The following OTOA variants were observed in gnomAD, a reference collection of about 807,000 sequenced individuals.
OTOA encodes the protein otoancorin, also known as cancer/testis antigen 108.
A neutral mutation model predicts 110.8 loss-of-function variants in OTOA; 70 were observed. That is an observed-to-expected ratio of 0.63 (90% CI 0.52 to 0.77). The LOEUF (loss-of-function observed/expected upper bound fraction) is 0.77. Among genes scored for constraint, OTOA ranks in the 30% least tolerant of loss-of-function variants. The pLI is 0.00. For missense variants in OTOA, 917 were observed against 1,075.8 expected (o/e 0.85, Z 2.06); for synonymous variants, 373 against 431.5 (o/e 0.86, Z 1.68).
At chr16:21,694,239 A>G (rs1245954404) in intron 9 of OTOA, among the ~76,000 whole-genome samples, 1 of 152,112 alleles carries the variant, frequency 6.6e-6, no homozygotes, top group Non-Finnish European at 1.5e-5. Flanking sequence ...CCAAAAGTTC[A>G]AGACCAGCCT....
intron 12 of OTOA, among the ~76,000 whole-genome samples, chr16:21,705,748 AG>A (rs1218886906): frequency 6.6e-6 from 1 of 152,190 alleles, no homozygotes; most frequent in Non-Finnish European, 1.5e-5. Flanking sequence ...GTTTGAGACC[AG>A]CATGGCCAAC....
intron 12 of OTOA, among the ~76,000 whole-genome samples, chr16:21,708,470 G>A (rs1179030095): frequency 1.3e-5 from 2 of 152,006 alleles, no homozygotes; most frequent in Non-Finnish European, 2.9e-5. Flanking sequence ...CCTGGATTTC[G>A]GAGCCCCACC....
chr16:21,711,562 G>A (rs1398639699), intron 13 of OTOA, among the ~76,000 whole-genome samples: 6 of 152,064 alleles, frequency 3.9e-5, no homozygotes, highest in East Asian at 1.9e-4. Context: ...CTCCGCCTCC[G>A]GGTTCAAGCA....
At position 21,726,560 on chromosome 16, in the gene OTOA, G is replaced by A; in HGVS notation, c.1918G>A (p.Val640Met). 1 of 1,614,038 alleles carries A rather than the reference G, an allele frequency of 6.2e-7. No individual in the cohort carries two copies. Among genetic ancestry groups the A allele is most frequent in the Non-Finnish European group, 8.5e-7 (1 of 1,180,020 alleles). Residue 640 changes from valine (V) to methionine (M), a missense_variant, in exon 19 of 29, where the codon GTG becomes ATG. Around this residue, in one of 6 missense-constraint regions of OTOA, gnomAD observed 840 missense variants for 910.2 expected, o/e 0.92. Transcript: ENST00000646100. ...YLASVPASQC[V>M]PFLISLGKSW... Reference sequence around the variant, plus strand: ...GGCTTCTGTCCCAGCCTCCCAGTGTGTGCCCTTTCTGATCAGCCTGGGGAA... The same window carrying A: ...GGCTTCTGTCCCAGCCTCCCAGTGTATGCCCTTTCTGATCAGCCTGGGGAA...
In OTOA at chr16:21,700,953, T is replaced by G. The variant is rs1338682047; in HGVS notation, c.906T>G (p.Pro302=). The G allele has an allele frequency of 5.0e-6, 8 of 1,613,930 alleles. No individual in the cohort carries two copies. Among genetic ancestry groups the G allele is most frequent in the South Asian group, 4.4e-5 (4 of 91,076 alleles). The change falls in exon 11 of 29, where the codon CCT becomes CCG. Residue 302 remains proline, a synonymous_variant. Coordinates refer to ENST00000646100, the MANE Select transcript of OTOA (RefSeq NM_144672.4). ...KQLDMVYDIT[P]ELAQAFLERI... Reference sequence around the variant, plus strand: ...TGGACATGGTCTATGACATCACACCTGAGCTGGCCCAGGCGTTTCTGGAGA... The same window carrying G: ...TGGACATGGTCTATGACATCACACCGGAGCTGGCCCAGGCGTTTCTGGAGA...
At chr16:21,700,072 G>T (rs1028731575) in intron 10 of OTOA, among the ~76,000 whole-genome samples, 1 of 152,102 alleles carries the variant, frequency 6.6e-6, no homozygotes, top group Non-Finnish European at 1.5e-5. Context: ...AGACTTGCAC[G>T]TGGCACCCTT....
At chr16:21,692,138 C>T (rs1456297064) in intron 9 of OTOA, among the ~76,000 whole-genome samples, 1 of 152,080 alleles carries the variant, frequency 6.6e-6, no homozygotes, top group Admixed American at 6.6e-5. Context: ...ACCAGCCTGA[C>T]CGACATGGTG....
chr16:21,704,283 G>A (rs528571947), intron 11 of OTOA, among the ~76,000 whole-genome samples: 20 of 152,262 alleles, frequency 1.3e-4, no homozygotes, highest in African/African-American at 4.8e-4. Flanking sequence ...GAATCCCTCA[G>A]GGTGAGATCA....
chr16:21,692,437 G>C (rs1897849722), intron 9 of OTOA, among the ~76,000 whole-genome samples: 1 of 152,112 alleles, frequency 6.6e-6, no homozygotes, highest in African/African-American at 2.4e-5. Flanking sequence ...GGTAGGTCAG[G>C]ATTTATTTAT....
chr16:21,679,580 T>C (rs1318629746), intron 5 of OTOA, among the ~76,000 whole-genome samples: 1 of 151,952 alleles, frequency 6.6e-6, no homozygotes, highest in Non-Finnish European at 1.5e-5. Flanking sequence ...AATTTTTGTA[T>C]TTTTAGTAGA....
intron 1 of OTOA, among the ~76,000 whole-genome samples, chr16:21,675,277 T>A (rs1351752844): frequency 6.8e-6 from 1 of 146,842 alleles, no homozygotes; most frequent in African/African-American, 2.5e-5. Flanking sequence ...GCCTCCTGAG[T>A]AGCTGGGATT....
At chr16:21,671,586 C>CAAAAAA in intron 1 of OTOA, among the ~76,000 whole-genome samples, 1 of 78,490 alleles carries the variant, frequency 1.3e-5, no homozygotes. Flanking sequence ...GACTCCATAT[C>CAAAAAA]AAAAAAAAAA....
intron 7 of OTOA, among the ~76,000 whole-genome samples, chr16:21,686,753 C>T (rs903190384): frequency 2.0e-5 from 3 of 152,058 alleles, no homozygotes; most frequent in Non-Finnish European, 4.4e-5. Context: ...AACAGCTGAG[C>T]ATGGTGGTGT....
At chr16:21,673,853 G>A (rs1367638378) in intron 1 of OTOA, among the ~76,000 whole-genome samples, 2 of 152,072 alleles carry the variant, frequency 1.3e-5, no homozygotes, top group Admixed American at 6.6e-5. Flanking sequence ...GCAGTGGCGT[G>A]ATCTTGGCTC....
chr16:21,684,028 A>G (rs1966950055), intron 6 of OTOA, among the ~76,000 whole-genome samples: 1 of 152,000 alleles, frequency 6.6e-6, no homozygotes, highest in South Asian at 2.1e-4. Flanking sequence ...TGGCCTCCCA[A>G]AGTGCTGGGA....
Position 21,717,055 on chromosome 16 carries a change from C to T in OTOA, c.1629+8C>T. On this transcript the variant is annotated splice_region_variant and intron_variant, in intron 15 of 28. Coordinates refer to ENST00000646100, the MANE Select transcript of OTOA (RefSeq NM_144672.4). ...GAACTTGGAAGGAGCCAGGTATTAC[C>T]ATGAAACACAGATCGATCCTGTATT... 1 of 1,613,954 alleles carries T rather than the reference C, an allele frequency of 6.2e-7. No homozygotes were observed. The highest frequency in any genetic ancestry group is 8.5e-7 in the Non-Finnish European group (1 of 1,179,940).
intron 17 of OTOA, 121 bp from the exon 18 acceptor site, chr16:21,722,784 G>A: frequency 4.9e-6 from 4 of 823,304 alleles, no homozygotes; most frequent in South Asian, 4.2e-5. Context: ...TACATCATAG[G>A]GTGCTCTATT....
rs1898924328 is a variant in OTOA at position 21,726,566 on chromosome 16, T to G, written c.1924T>G (p.Phe642Val). 1 of 1,613,966 alleles carries G rather than the reference T, an allele frequency of 6.2e-7. No homozygotes were observed. The highest frequency in any genetic ancestry group is 1.3e-5 in the African/African-American group (1 of 74,906). ...ASVPASQCVP[F>V]LISLGKSWLD... ...TGTCCCAGCCTCCCAGTGTGTGCCCTTTCTGATCAGCCTGGGGAAGAGCTG... is the reference window on the plus strand; with the variant it reads ...TGTCCCAGCCTCCCAGTGTGTGCCCGTTCTGATCAGCCTGGGGAAGAGCTG... The change falls in exon 19 of 29, where the codon TTT becomes GTT. Residue 642 changes from phenylalanine (F) to valine (V), a missense_variant. Physicochemically the swap from Phe to Val is conservative, Grantham distance 50. This residue lies in a region of OTOA where 840 missense variants were observed against 910.2 expected (regional missense o/e 0.92). Transcript: ENST00000646100.
chr16:21,719,322 C>T, intron 16 of OTOA, 65 bp from the exon 17 acceptor site: 2 of 1,567,678 alleles, frequency 1.3e-6, no homozygotes, highest in Non-Finnish European at 1.8e-6. Context: ...TCTGCCTTCT[C>T]TCGCTCTTTC....
Sources: gnomAD v4.1 joint callset for allele counts (sites outside exome capture counted in the v4.1 genomes callset) on GRCh38, gnomAD v4.1.1 for gene constraint, gnomAD v4.1.1 regional missense constraint, MANE v1.5 for transcripts, NCBI Gene and HGNC (gene_info 2026-07-23, HGNC 2026-07-21) for gene names.